The following ENPEP variants were observed in gnomAD, a reference collection of about 807,000 sequenced individuals.
ENPEP encodes AP-A.
Under a neutral mutation model 114.5 loss-of-function variants are expected in ENPEP, and 103 were observed. The observed-to-expected ratio is 0.90, with a 90% confidence interval of 0.77 to 1.06. The LOEUF is 1.06. ENPEP is among the 50% of genes least tolerant of loss of function. The pLI, the probability that ENPEP is intolerant of heterozygous loss-of-function variation, is 0.00. For missense variants in ENPEP, 1,196 were observed against 1,161.3 expected, an observed-to-expected ratio of 1.03 and a Z score of -0.43; for synonymous variants, 420 against 422.0, an observed-to-expected ratio of 1.00 and a Z score of 0.06.
rs74370684 is a variant in ENPEP at position 110,514,122 on chromosome 4, A to G, written c.1443+573A>G. On this transcript the variant is annotated intron_variant, in intron 7 of 19. Transcript: ENST00000265162. ...TATGTGACACATTCTGTCCCACAAT[A>G]TTTCATATAGTCTCTCCTTCAAACA... Among the ~76,000 whole-genome samples, 1,311 of 152,234 alleles carry G rather than the reference A, an allele frequency of 8.6e-3. 12 individuals carry two copies. Among genetic ancestry groups the G allele is most frequent in the Non-Finnish European group, 0.015 (1,047 of 67,950 alleles).
chr4:110,542,739 TTAC>T lies in ENPEP; in HGVS notation c.1808-5_1808-3del. ...AAACATGTTGCTCATTAGTGTTTAT[TTAC>T]TACTACAGGAATCACTTTGAACTCC... is the stretch of plus-strand genomic sequence containing the variant. On this transcript the variant is annotated splice_polypyrimidine_tract_variant and intron_variant, in intron 11 of 19. Coordinates refer to ENST00000265162, the MANE Select transcript of ENPEP (RefSeq NM_001977.4). The T allele has an allele frequency of 6.2e-7, 1 of 1,605,172 alleles. No individual in the cohort carries two copies. Among genetic ancestry groups the T allele is most frequent in the South Asian group, 1.1e-5 (1 of 89,606 alleles).
chr4:110,554,786 T>A (rs937623460), intron 18 of ENPEP, among the ~76,000 whole-genome samples: 8 of 152,018 alleles, frequency 5.3e-5, no homozygotes, highest in African/African-American at 1.9e-4. Context: ...TGGTGTATGG[T>A]GCAGGAAACC....
rs1247265514 is a variant in ENPEP at position 110,549,562 on chromosome 4, A to C, written c.2260A>C (p.Lys754Gln). The C allele has an allele frequency of 1.9e-6, 3 of 1,613,498 alleles. No individual in the cohort carries two copies. Among genetic ancestry groups the C allele is most frequent in the East Asian group, 4.5e-5 (2 of 44,872 alleles). ...LRSSVLGFACKMGDREALNNA... is the reference protein window; with the variant it reads ...LRSSVLGFACQMGDREALNNA... ...TTCCTCCGTGTTAGGGTTTGCGTGC[A>C]AGATGGGAGACAGAGAAGCCTTGAA... Residue 754 changes from lysine to glutamine, a missense_variant, in exon 16 of 20, where the codon AAG becomes CAG. By Grantham distance (53) the Lys-to-Gln change is moderately conservative. Coordinates refer to ENST00000265162, the MANE Select transcript of ENPEP (RefSeq NM_001977.4).
intron 6 of ENPEP, chr4:110,512,410 C>T (rs1187680899): frequency 6.6e-6 from 1 of 152,116 alleles, no homozygotes; most frequent in Non-Finnish European, 1.5e-5. Context: ...TTCTACTCAC[C>T]ATACTTAAAC....
chr4:110,491,967 G>A (rs1025179502), intron 3 of ENPEP, among the ~76,000 whole-genome samples: 36 of 151,934 alleles, frequency 2.4e-4, no homozygotes, highest in African/African-American at 8.5e-4. Context: ...GTGACCCACT[G>A]GCCTTGGCCC....
intron 13 of ENPEP, 71 bp downstream of exon 13, chr4:110,543,141 T>A: frequency 7.3e-7 from 1 of 1,365,498 alleles, no homozygotes; most frequent in Non-Finnish European, 1.0e-6. Flanking sequence ...AAAAATGAAT[T>A]AAACATTGCA....
At chr4:110,532,882 A>G (rs939627297) in intron 11 of ENPEP, among the ~76,000 whole-genome samples, 9 of 152,092 alleles carry the variant, frequency 5.9e-5, no homozygotes, top group African/African-American at 2.2e-4. Context: ...GCGAGGCTCT[A>G]TCTTTTGTGG....
intron 10 of ENPEP, among the ~76,000 whole-genome samples, chr4:110,522,911 A>C (rs898793904): frequency 6.6e-6 from 1 of 152,172 alleles, no homozygotes; most frequent in Non-Finnish European, 1.5e-5. Flanking sequence ...TTGGAGGAGA[A>C]AGAGAAAGAA....
chr4:110,476,502 G>A lies in ENPEP; in HGVS notation c.88G>A (p.Gly30Arg), dbSNP rs764202691. The change falls in exon 1 of 20, where the codon GGA (glycine) becomes AGA (arginine). Residue 30 changes from glycine (G) to arginine (R), a missense_variant. Coordinates refer to ENST00000265162, the MANE Select transcript of ENPEP (RefSeq NM_001977.4). ...AILCAVVVGV[G>R]LIVGLAVGLT... ...TCTCTGTGCGGTGGTGGTGGGTGTA[G>A]GATTAATAGTGGGACTTGCCGTGGG... 6 of 1,594,642 alleles carry A rather than the reference G, an allele frequency of 3.8e-6. No homozygotes were observed. The highest frequency in any genetic ancestry group is 5.1e-6 in the Non-Finnish European group (6 of 1,168,478).
chr4:110,558,296 AT>A (rs1243439457), intron 18 of ENPEP, among the ~76,000 whole-genome samples: 2 of 139,584 alleles, frequency 1.4e-5, no homozygotes, highest in Non-Finnish European at 3.1e-5. Flanking sequence ...ATATATATAA[AT>A]TTTTTTTTGA....
chr4:110,481,764 T>C (rs907449460), intron 1 of ENPEP, among the ~76,000 whole-genome samples: 2 of 152,204 alleles, frequency 1.3e-5, no homozygotes, highest in African/African-American at 4.8e-5. Flanking sequence ...GCAATCTCCG[T>C]AGTTTAAAGG....
At chr4:110,481,028 T>C (rs1177053027) in intron 1 of ENPEP, among the ~76,000 whole-genome samples, 1 of 152,180 alleles carries the variant, frequency 6.6e-6, no homozygotes, top group East Asian at 1.9e-4. Context: ...CCAAAGTATA[T>C]ATTTTCTTCT....
Position 110,561,603 on chromosome 4 carries a change from C to A in ENPEP, c.*45C>A. On this transcript the variant is annotated 3_prime_UTR_variant, in exon 20 of 20. Coordinates refer to ENST00000265162, the MANE Select transcript of ENPEP (RefSeq NM_001977.4). Reference sequence around the variant, plus strand: ...TTAATTTTGTGAATCTATTGTTTCTCCTCTGAAGCATTTGGTGGCCTAATT... The same window carrying A: ...TTAATTTTGTGAATCTATTGTTTCTACTCTGAAGCATTTGGTGGCCTAATT... 1.3e-6 allele frequency: 2 copies of A among 1,573,696 alleles called. No homozygotes were observed. The highest frequency in any genetic ancestry group is 1.7e-6 in the Non-Finnish European group (2 of 1,159,222).
intron 3 of ENPEP, among the ~76,000 whole-genome samples, chr4:110,498,355 A>G (rs1725020858): frequency 6.6e-6 from 1 of 151,684 alleles, no homozygotes; most frequent in African/African-American, 2.4e-5. Context: ...AGACCTTGCA[A>G]AAAAAACCTC....
intron 13 of ENPEP, 71 bp downstream of exon 13, chr4:110,543,141 T>C: frequency 7.3e-7 from 1 of 1,365,510 alleles, no homozygotes; most frequent in Non-Finnish European, 1.0e-6. Flanking sequence ...AAAAATGAAT[T>C]AAACATTGCA....
Position 110,519,160 on chromosome 4 carries a change from A to G in ENPEP, c.1510-848A>G, listed in dbSNP as rs1324893465. 2.4e-5 allele frequency: 11 copies of G among 455,020 alleles called. No homozygotes were observed. The East Asian group carries it at 6.9e-4, about 29-fold the overall frequency. The allele number at this position is 455,020 out of a possible 1,614,324, so 28.2% of individuals were successfully genotyped here. A position where few individuals can be genotyped will look rare whatever the true frequency, so the allele number is the denominator to read the frequency against. ...TCCAAAGTGGCTTCATCCCTCTTCCAGGCTTCTTGGAGTCCTTCTAATACT... is the reference window on the plus strand; with the variant it reads ...TCCAAAGTGGCTTCATCCCTCTTCCGGGCTTCTTGGAGTCCTTCTAATACT... On this transcript the variant is annotated intron_variant, in intron 8 of 19. Coordinates refer to ENST00000265162, the MANE Select transcript of ENPEP (RefSeq NM_001977.4).
chr4:110,544,682 G>T (rs1726987500), intron 13 of ENPEP, among the ~76,000 whole-genome samples: 1 of 152,032 alleles, frequency 6.6e-6, no homozygotes, highest in African/African-American at 2.4e-5. Context: ...TTCACTGTTA[G>T]AAATTACAAA....
chr4:110,549,967 G>T, intron 17 of ENPEP, 81 bp downstream of exon 17: 1 of 1,321,784 alleles, frequency 7.6e-7, no homozygotes, highest in Non-Finnish European at 1.0e-6. Flanking sequence ...TCTGATTAAA[G>T]TATGATGTTT....
At chr4:110,515,289 A>G in intron 7 of ENPEP, 88 bp from the exon 8 acceptor site, 1 of 1,061,198 alleles carries the variant, frequency 9.4e-7, no homozygotes, top group Non-Finnish European at 1.4e-6. Flanking sequence ...AAATATGATC[A>G]TGAAATACTA....
Sources: gnomAD v4.1 joint callset for allele counts (sites outside exome capture counted in the v4.1 genomes callset) on GRCh38, gnomAD v4.1.1 for gene constraint, MANE v1.5 for transcripts, NCBI Gene and HGNC (gene_info 2026-07-23, HGNC 2026-07-21) for gene names.